XXYLT1: variants seen among roughly 807,000 people sequenced by gnomAD.
XXYLT1 encodes xyloside xylosyltransferase 1.
Under a neutral mutation model 28.9 loss-of-function variants are expected in XXYLT1, and 20 were observed. That is an observed-to-expected ratio of 0.69 (90% confidence interval 0.49 to 1.00). The LOEUF is 1.00. Ranked by LOEUF, XXYLT1 falls within the 50% of genes least tolerant of loss-of-function variation. The pLI, the probability that XXYLT1 is intolerant of heterozygous loss-of-function variation, is 0.00. For missense variants in XXYLT1, 542 were observed against 560.1 expected (o/e 0.97, Z 0.33); for synonymous variants, 257 against 253.8 (o/e 1.01, Z -0.12).
At chr3:195,252,817 G>A in intron 1 of XXYLT1, among the ~76,000 whole-genome samples, 1 of 151,042 alleles carries the variant, frequency 6.6e-6, no homozygotes, top group Non-Finnish European at 1.5e-5. Flanking sequence ...GGTTACAAAA[G>A]AAATATGACT....
At chr3:195,154,796 C>A (rs1425986383) in intron 3 of XXYLT1, among the ~76,000 whole-genome samples, 1 of 152,230 alleles carries the variant, frequency 6.6e-6, no homozygotes, top group East Asian at 1.9e-4. Flanking sequence ...AACTTTCTCT[C>A]CTGCTCTAAA....
chr3:195,269,361 G>A (rs1303422721), intron 1 of XXYLT1, among the ~76,000 whole-genome samples: 1 of 152,230 alleles, frequency 6.6e-6, no homozygotes, highest in Non-Finnish European at 1.5e-5. Flanking sequence ...GACCTTCAGA[G>A]GTCCCAGGGT....
At chr3:195,166,163 C>T (rs980303601) in intron 2 of XXYLT1, among the ~76,000 whole-genome samples, 1 of 152,080 alleles carries the variant, frequency 6.6e-6, no homozygotes, top group East Asian at 1.9e-4. Context: ...CAAGAAACCC[C>T]CTTAGTCACT....
intron 3 of XXYLT1, chr3:195,153,949 A>C (rs1038221815): frequency 9.9e-5 from 15 of 152,270 alleles, no homozygotes; most frequent in African/African-American, 3.6e-4. Context: ...TGTAACCCCC[A>C]ATGCCAGAGC....
Position 195,240,317 on chromosome 3 carries a change from G to A in XXYLT1, c.505-13461C>T, listed in dbSNP as rs1028169699. 6.6e-6 allele frequency among the ~76,000 whole-genome samples: 1 copy of A among 152,210 alleles called. No individual in the cohort carries two copies. On this transcript the variant is annotated intron_variant, in intron 1 of 3. Coordinates refer to ENST00000310380, the MANE Select transcript of XXYLT1 (RefSeq NM_152531.5). This position sits in a 1 kb window ranked among gnomAD's most constrained non-coding sequence, Gnocchi z 4.7. ...GCTGAAGCATCCATCAGTCATGGCA[G>A]AGCCTGGTGCCAGGCAGAAGCAGGC... is the stretch of plus-strand genomic sequence containing the variant.
At chr3:195,178,455 C>T (rs985057348) in intron 2 of XXYLT1, among the ~76,000 whole-genome samples, 1 of 152,188 alleles carries the variant, frequency 6.6e-6, no homozygotes, top group Non-Finnish European at 1.5e-5. Flanking sequence ...TGGAGACCAT[C>T]CTGGAAATGT....
chr3:195,211,682 G>A (rs1042209091), intron 2 of XXYLT1, among the ~76,000 whole-genome samples: 7 of 152,216 alleles, frequency 4.6e-5, no homozygotes, highest in African/African-American at 1.2e-4. Context: ...CAGACGATAA[G>A]AACTATGAAG....
chr3:195,212,087 T>C (rs1221487478), intron 2 of XXYLT1, among the ~76,000 whole-genome samples: 1 of 109,846 alleles, frequency 9.1e-6, no homozygotes, highest in Non-Finnish European at 1.8e-5. Flanking sequence ...AGCCACGGAA[T>C]GCCATGGGAA....
intron 3 of XXYLT1, among the ~76,000 whole-genome samples, chr3:195,134,828 T>A (rs1019286358): frequency 1.2e-4 from 2 of 16,330 alleles, no homozygotes; most frequent in African/African-American, 2.6e-4. Flanking sequence ...TGAAGAGGGG[T>A]GTGTGTGTGT....
chr3:195,112,506 ACACACACC>A (rs376661554), intron 3 of XXYLT1, among the ~76,000 whole-genome samples: 2,313 of 31,124 alleles, frequency 0.074, 51 homozygotes, highest in Middle Eastern at 0.11. Context: ...GCACACACCC[ACACACACC>A]CACACACACA....
At chr3:195,146,244 C>G (rs1315642179) in intron 3 of XXYLT1, among the ~76,000 whole-genome samples, 2 of 152,238 alleles carry the variant, frequency 1.3e-5, no homozygotes, top group African/African-American at 4.8e-5. Flanking sequence ...GAAGGTCCCT[C>G]TTGTACACAT....
intron 1 of XXYLT1, among the ~76,000 whole-genome samples, chr3:195,241,440 C>T (rs1229916822): frequency 1.3e-5 from 2 of 152,194 alleles, no homozygotes; most frequent in Non-Finnish European, 2.9e-5. Flanking sequence ...CAGAGCTACA[C>T]TACCTATTGA....
At position 195,110,586 on chromosome 3, in the gene XXYLT1, ATGTG is replaced by A. The variant is rs140022177; in HGVS notation, c.786-40479_786-40476del. ...ATGTATGTGGTGTGTTGTGTGGTGTATGTGTGTGTGTGCTGTATGTGTGCATGTG... is the reference window on the plus strand; with the variant it reads ...ATGTATGTGGTGTGTTGTGTGGTGTATGTGTGTGCTGTATGTGTGCATGTG... On this transcript the variant is annotated intron_variant, in intron 3 of 3. Transcript: ENST00000310380. 4.1e-4 allele frequency among the ~76,000 whole-genome samples: 8 copies of A among 19,520 alleles called. 2 individuals are homozygous for A. The highest frequency in any genetic ancestry group is 1.2e-3 in the Admixed American group (2 of 1,624). The allele number at this position is 19,520 out of a possible 152,430, so 12.8% of individuals were successfully genotyped here.
chr3:195,247,818 G>T (rs142334868), intron 1 of XXYLT1: 2 of 702,742 alleles, frequency 2.8e-6, no homozygotes, highest in African/African-American at 3.5e-5. Context: ...AATCACGGCG[G>T]AAGGGACACA....
chr3:195,209,042 TC>T lies in XXYLT1; in HGVS notation c.652+17666del, dbSNP rs1421762991. Among the ~76,000 whole-genome samples, 3 of 152,056 alleles carry T rather than the reference TC, an allele frequency of 2.0e-5. No homozygotes were observed. Among genetic ancestry groups the T allele is most frequent in the Admixed American group, 6.6e-5 (1 of 15,262 alleles). ...TAAAAGAAAAAATACTGTACCTGAC[TC>T]CCCCAACCCAAGACAGAAGGGAAGC... On this transcript the variant is annotated intron_variant, in intron 2 of 3. Coordinates refer to ENST00000310380, the MANE Select transcript of XXYLT1 (RefSeq NM_152531.5). The surrounding 1 kb of genome is among the most constrained non-coding windows in gnomAD (Gnocchi z 5.0).
At chr3:195,144,999 C>T (rs1719757271) in intron 3 of XXYLT1, among the ~76,000 whole-genome samples, 1 of 151,772 alleles carries the variant, frequency 6.6e-6, no homozygotes, top group East Asian at 1.9e-4. Context: ...CGCAATCTTC[C>T]AGGCTCTCTG....
intron 2 of XXYLT1, chr3:195,184,596 C>T: frequency 1.0e-6 from 1 of 983,526 alleles, no homozygotes; most frequent in Non-Finnish European, 1.2e-6. Context: ...AGAACCCCCC[C>T]AAGAAACATT....
intron 3 of XXYLT1, among the ~76,000 whole-genome samples, chr3:195,155,407 G>A (rs566092689): frequency 1.3e-3 from 199 of 152,318 alleles, no homozygotes; most frequent in Non-Finnish European, 2.5e-3. Context: ...GAACAAACTC[G>A]GCAGCTCTGC....
intron 2 of XXYLT1, among the ~76,000 whole-genome samples, chr3:195,179,146 C>G (rs924475508): frequency 6.6e-6 from 1 of 152,000 alleles, no homozygotes; most frequent in Non-Finnish European, 1.5e-5. Context: ...TCAAGACCAT[C>G]TTGGGCAATA....
Sources: gnomAD v4.1 joint callset for allele counts (sites outside exome capture counted in the v4.1 genomes callset) on GRCh38, gnomAD v4.1.1 for gene constraint, Gnocchi (gnomAD v3.1) non-coding constraint, MANE v1.5 for transcripts, NCBI Gene and HGNC (gene_info 2026-07-23, HGNC 2026-07-21) for gene names.